SCN1A: variants seen among roughly 807,000 people sequenced by gnomAD.
SCN1A encodes sodium voltage-gated channel alpha subunit 1.
Under a neutral mutation model 193.7 loss-of-function variants are expected in SCN1A, and 13 were observed. The observed-to-expected ratio is 0.07, with a 90% CI of 0.04 to 0.11. SCN1A has a LOEUF of 0.11. Among genes scored for constraint, SCN1A ranks in the 10% least tolerant of loss-of-function variants. The pLI, the probability that SCN1A is intolerant of heterozygous loss-of-function variation, is 1.00. For synonymous variants in SCN1A, 781 were observed against 843.6 expected (o/e 0.93, Z 1.29); for missense variants, 1,432 against 2,451.1 (o/e 0.58, Z 8.78).
intron 26 of SCN1A, among the ~76,000 whole-genome samples, chr2:165,997,353 A>T (rs190109472): frequency 6.6e-6 from 1 of 151,522 alleles, no homozygotes. Context: ...AAGTACAACA[A>T]TAAGAGTATG....
chr2:166,042,527 G>A (rs1697308528), intron 14 of SCN1A, 103 bp from the exon 15 acceptor site: 2 of 1,041,876 alleles, frequency 1.9e-6, no homozygotes, highest in South Asian at 2.6e-5. Context: ...CATGCATCAT[G>A]CACTTTCATA....
In SCN1A at chr2:165,989,777, G is replaced by A. The variant is rs186567731; in HGVS notation, c.*1468C>T. The A allele has an allele frequency of 2.0e-5, 3 of 152,522 alleles. No homozygotes were observed. Among genetic ancestry groups the A allele is most frequent in the Non-Finnish European group, 4.4e-5 (3 of 67,980 alleles). The allele number at this position is 152,522 out of a possible 1,614,324, so 9.4% of individuals were successfully genotyped here. On this transcript the variant is annotated 3_prime_UTR_variant, in exon 29 of 29. Transcript: ENST00000674923. ...AAGATAATTTCCTCTTCATATTTAT[G>A]TACATAATGCTGAAAAATAAAATAA...
At chr2:166,064,499 A>G (rs1683639757) in intron 4 of SCN1A, among the ~76,000 whole-genome samples, 1 of 152,148 alleles carries the variant, frequency 6.6e-6, no homozygotes, top group African/African-American at 2.4e-5. Context: ...CTAAGAAAAT[A>G]ATTATGTTAT....
intron 4 of SCN1A, among the ~76,000 whole-genome samples, chr2:166,068,756 C>G (rs1283038673): frequency 1.4e-5 from 2 of 145,414 alleles, no homozygotes; most frequent in African/African-American, 5.0e-5. Context: ...CTTTTCAGGA[C>G]AGTTGATAGC....
At position 165,992,804 on chromosome 2, in the gene SCN1A, C is replaced by T; in HGVS notation, c.4853-382G>A. 1 of 154,192 alleles carries T rather than the reference C, an allele frequency of 6.5e-6. No individual in the cohort carries two copies. Among genetic ancestry groups the T allele is most frequent in the Non-Finnish European group, 1.4e-5 (1 of 69,790 alleles). 9.6% of individuals were successfully genotyped at this position (154,192 alleles called of 1,614,324 possible). A position where few individuals can be genotyped will look rare whatever the true frequency, so the allele number is the denominator to read the frequency against. ...ATACAGTGACTTTTTCTGAAATTGC[C>T]ATATTCTAAATTCTCTATTTACTCC... On this transcript the variant is annotated intron_variant, in intron 28 of 28. Transcript: ENST00000674923. This position sits in a 1 kb window ranked among gnomAD's most constrained non-coding sequence, Gnocchi z 6.5.
chr2:166,115,756 G>A (rs1689782365), intron 2 of SCN1A, among the ~76,000 whole-genome samples: 1 of 152,196 alleles, frequency 6.6e-6, no homozygotes, highest in East Asian at 1.9e-4. Context: ...CCTAGACACC[G>A]AAAACGGAAG....
At chr2:166,145,090 T>C (rs6432878) in intron 1 of SCN1A, among the ~76,000 whole-genome samples, 119,147 of 147,048 alleles carry the variant, frequency 0.81, 48,989 homozygotes, top group African/African-American at 0.94. Flanking sequence ...CCAGCCTTGG[T>C]CTCCCAAAGT....
chr2:166,024,393 A>G (rs1279976214), intron 19 of SCN1A, among the ~76,000 whole-genome samples: 1 of 152,172 alleles, frequency 6.6e-6, no homozygotes, highest in Non-Finnish European at 1.5e-5. Flanking sequence ...CAATTACTCA[A>G]CATTTATTGA....
intron 25 of SCN1A, 129 bp downstream of exon 25, chr2:165,999,594 C>T (rs1339626285): frequency 4.1e-6 from 3 of 727,294 alleles, no homozygotes; most frequent in Non-Finnish European, 7.5e-6. Flanking sequence ...GAATATTTAC[C>T]TGTCACACTT....
intron 19 of SCN1A, among the ~76,000 whole-genome samples, chr2:166,029,897 A>T (rs1363818031): frequency 6.6e-6 from 1 of 152,170 alleles, no homozygotes; most frequent in Non-Finnish European, 1.5e-5. Context: ...AAGTAGAATT[A>T]GACCACCACA....
chr2:166,074,977 C>T (rs1208033944), intron 3 of SCN1A, among the ~76,000 whole-genome samples: 1 of 152,130 alleles, frequency 6.6e-6, no homozygotes, highest in Non-Finnish European at 1.5e-5. Context: ...GTTCTTAGAA[C>T]TTAACCTGCA....
chr2:166,083,217 A>G (rs2106030433), intron 2 of SCN1A, among the ~76,000 whole-genome samples: 2 of 152,212 alleles, frequency 1.3e-5, no homozygotes, highest in Middle Eastern at 6.8e-3. Context: ...AAAATATTTC[A>G]TTTGATTTCT....
chr2:165,997,950 T>A, intron 26 of SCN1A, 88 bp downstream of exon 26: 1 of 1,058,038 alleles, frequency 9.5e-7, no homozygotes, highest in Non-Finnish European at 1.5e-6. Context: ...CCATTTTGTT[T>A]CTAAATTCAA....
intron 1 of SCN1A, among the ~76,000 whole-genome samples, chr2:166,146,562 G>A (rs780282700): frequency 8.5e-4 from 129 of 152,272 alleles, no homozygotes; most frequent in African/African-American, 3.0e-3. Flanking sequence ...TAGAGGCAAG[G>A]ACCCTGCTCA....
At chr2:166,092,629 T>C (rs915893946) in intron 2 of SCN1A, 1 of 152,108 alleles carries the variant, frequency 6.6e-6, no homozygotes, top group African/African-American at 2.4e-5. Flanking sequence ...GCATCGGGAG[T>C]CACTGGGATT....
intron 19 of SCN1A, among the ~76,000 whole-genome samples, chr2:166,023,327 C>T (rs1328125530): frequency 6.6e-6 from 1 of 151,906 alleles, no homozygotes; most frequent in African/African-American, 2.4e-5. Flanking sequence ...ATTTTTTCAC[C>T]CTTCTCCTGG....
intron 2 of SCN1A, among the ~76,000 whole-genome samples, chr2:166,084,213 AT>A (rs1266836601): frequency 7.5e-6 from 1 of 134,090 alleles, no homozygotes; most frequent in African/African-American, 2.8e-5. Flanking sequence ...TTTATTCTCA[AT>A]TTTCTTTTTT....
chr2:166,041,554 T>G, intron 15 of SCN1A, 85 bp from the exon 16 acceptor site: 1 of 939,574 alleles, frequency 1.1e-6, no homozygotes, highest in Non-Finnish European at 1.7e-6. Flanking sequence ...AAACTTATTT[T>G]CAGTAATCAA....
At chr2:166,037,009 T>G (rs1223566377) in intron 18 of SCN1A, among the ~76,000 whole-genome samples, 1 of 152,242 alleles carries the variant, frequency 6.6e-6, no homozygotes, top group Non-Finnish European at 1.5e-5. Flanking sequence ...ACTTGTTTTC[T>G]TAATCTATTA....
Sources: gnomAD v4.1 joint callset for allele counts (sites outside exome capture counted in the v4.1 genomes callset) on GRCh38, gnomAD v4.1.1 for gene constraint, Gnocchi (gnomAD v3.1) non-coding constraint, MANE v1.5 for transcripts, NCBI Gene and HGNC (gene_info 2026-07-23, HGNC 2026-07-21) for gene names.